IQGAP2: variants seen among roughly 807,000 people sequenced by gnomAD.
The protein encoded by IQGAP2 is IQ motif containing GTPase activating protein 2, also known as ras GTPase-activating-like protein IQGAP2.
A neutral mutation model predicts 201.3 loss-of-function variants in IQGAP2; 173 were observed. The ratio of observed to expected loss-of-function variants is 0.86; its 90% CI spans 0.76 to 0.98. The LOEUF (loss-of-function observed/expected upper bound fraction) is 0.98. Among genes scored for constraint, IQGAP2 ranks in the 50% least tolerant of loss-of-function variants. The probability of loss-of-function intolerance (pLI) is 0.00; values close to 1 mark genes in which losing one functional copy is unlikely to be tolerated. For missense variants in IQGAP2, 1,687 were observed against 1,864.8 expected (o/e 0.90, Z 1.76); for synonymous variants, 675 against 673.9 (o/e 1.00, Z -0.03).
At chr5:76,573,988 A>C (rs901825746) in intron 4 of IQGAP2, among the ~76,000 whole-genome samples, 1 of 151,984 alleles carries the variant, frequency 6.6e-6, no homozygotes, top group Non-Finnish European at 1.5e-5. Context: ...AGGCTTTTTA[A>C]ATTTCTTAGG....
At chr5:76,551,527 G>A (rs1449687638) in intron 2 of IQGAP2, among the ~76,000 whole-genome samples, 2 of 152,086 alleles carry the variant, frequency 1.3e-5, no homozygotes, top group African/African-American at 2.4e-5. Context: ...AGGTTGTAGC[G>A]AGCCGAGATC....
intron 1 of IQGAP2, among the ~76,000 whole-genome samples, chr5:76,435,149 TG>T (rs1161903007): frequency 2.0e-5 from 3 of 152,046 alleles, no homozygotes; most frequent in Non-Finnish European, 4.4e-5. Context: ...TCCCATTCTG[TG>T]GGTTATCTGT....
At chr5:76,452,059 T>A in intron 1 of IQGAP2, among the ~76,000 whole-genome samples, 1 of 151,894 alleles carries the variant, frequency 6.6e-6, no homozygotes. Context: ...ATTTAATCTC[T>A]TGTTATTTCT....
intron 2 of IQGAP2, among the ~76,000 whole-genome samples, chr5:76,511,782 A>G (rs62361961): frequency 2.5e-4 from 38 of 150,610 alleles, no homozygotes; most frequent in Middle Eastern, 3.4e-3. Context: ...CCGGGTTCAC[A>G]CCATTCTCCT....
intron 28 of IQGAP2, among the ~76,000 whole-genome samples, chr5:76,682,416 A>C (rs1446769433): frequency 6.6e-6 from 1 of 152,010 alleles, no homozygotes; most frequent in East Asian, 1.9e-4. Context: ...GTCGCTGTTC[A>C]TGTGTAAGGT....
rs144692113 is a variant in IQGAP2 at position 76,618,204 on chromosome 5, G to T, written c.1521+7021G>T. ...GTTGCCATAGAAGATGACTGTGGTGGCCCGGCACAGGACCTCTCCAAATAC... is the reference window on the plus strand; with the variant it reads ...GTTGCCATAGAAGATGACTGTGGTGTCCCGGCACAGGACCTCTCCAAATAC... On this transcript the variant is annotated intron_variant, in intron 13 of 35. Transcript: ENST00000274364. 6.8e-5 allele frequency: 109 copies of T among 1,614,180 alleles called. No individual in the cohort carries two copies. The African/African-American group carries it at 1.3e-3, about 20-fold the overall frequency.
At chr5:76,614,011 G>A (rs547694879) in intron 13 of IQGAP2, among the ~76,000 whole-genome samples, 5 of 152,128 alleles carry the variant, frequency 3.3e-5, no homozygotes, top group Non-Finnish European at 7.4e-5. Context: ...CTTACTAGAC[G>A]TAGAGTCTGC....
intron 2 of IQGAP2, among the ~76,000 whole-genome samples, chr5:76,489,306 G>T (rs868678032): frequency 5.9e-5 from 9 of 152,148 alleles, no homozygotes; most frequent in African/African-American, 2.2e-4. Flanking sequence ...CTATAGTTTT[G>T]TCTACTAGAG....
chr5:76,496,771 TTCTTTCTTTCTTTCTTTCTTTC>T lies in IQGAP2; in HGVS notation c.146+35118_146+35139del, dbSNP rs1561416696. Among the ~76,000 whole-genome samples the T allele has an allele frequency of 1.9e-3, 229 of 120,930 alleles. 4 individuals are homozygous for T. Among genetic ancestry groups the T allele is most frequent in the African/African-American group, 7.7e-3 (186 of 24,260 alleles). The allele number at this position is 120,930 out of a possible 152,430, so 79.3% of individuals were successfully genotyped here. On this transcript the variant is annotated intron_variant, in intron 2 of 35. Transcript: ENST00000274364. Reference sequence around the variant, plus strand: ...TTTCTTTCTTTCTTTCTTTCTTTCTTTCTTTCTTTCTTTCTTTCTTTCTCTTTCTTTCTTTCTCTTTCTTTCT... The same window carrying T: ...TTTCTTTCTTTCTTTCTTTCTTTCTTTCTTTCTTTCTTTCTCTTTCTTTCT...
chr5:76,507,355 C>G (rs1276194607), intron 2 of IQGAP2, among the ~76,000 whole-genome samples: 1 of 152,060 alleles, frequency 6.6e-6, no homozygotes, highest in Non-Finnish European at 1.5e-5. Context: ...ACAACCTTCA[C>G]AAAAATTAAC....
At chr5:76,471,364 C>CAAAAAAAAAAAAAAAAAA (rs59781605) in intron 2 of IQGAP2, among the ~76,000 whole-genome samples, 1 of 72,530 alleles carries the variant, frequency 1.4e-5, no homozygotes, top group Non-Finnish European at 2.8e-5. Flanking sequence ...ATAAACTAAG[C>CAAAAAAAAAAAAAAAAAA]AAAAAAAAAA....
chr5:76,508,004 C>CAAA (rs35283673), intron 2 of IQGAP2, among the ~76,000 whole-genome samples: 27 of 63,302 alleles, frequency 4.3e-4, no homozygotes, highest in African/African-American at 8.2e-4. Flanking sequence ...GACTCCTTCT[C>CAAA]AAAAAAAAAA....
intron 2 of IQGAP2, among the ~76,000 whole-genome samples, chr5:76,480,089 A>G (rs1755683199): frequency 6.6e-6 from 1 of 152,138 alleles, no homozygotes; most frequent in Non-Finnish European, 1.5e-5. Context: ...ACGCACCCAC[A>G]GAGCTGTTTG....
At chr5:76,510,149 G>A (rs1436689450) in intron 2 of IQGAP2, among the ~76,000 whole-genome samples, 10 of 151,946 alleles carry the variant, frequency 6.6e-5, no homozygotes, top group South Asian at 2.1e-4. Flanking sequence ...ACAGGCACCC[G>A]CCACCATGCC....
intron 2 of IQGAP2, among the ~76,000 whole-genome samples, chr5:76,496,021 G>A (rs1161718109): frequency 3.3e-5 from 5 of 152,182 alleles, no homozygotes; most frequent in African/African-American, 1.2e-4. Flanking sequence ...AGCACAGAGT[G>A]AAGCTCAGTG....
chr5:76,452,865 G>T (rs181124488), intron 1 of IQGAP2, among the ~76,000 whole-genome samples: 196 of 132,866 alleles, frequency 1.5e-3, no homozygotes, highest in African/African-American at 5.1e-3. Context: ...CTCTGAGTTT[G>T]TTTCCTATTC....
At chr5:76,597,691 A>G in intron 10 of IQGAP2, 89 bp downstream of exon 10, 5 of 1,358,012 alleles carry the variant, frequency 3.7e-6, no homozygotes, top group Non-Finnish European at 5.2e-6. Flanking sequence ...GGGAATAGGG[A>G]TCGGGGATCT....
rs10070688 is a variant in IQGAP2, at chr5:76,424,688, A to T, written c.46+21097A>T. ...GTTCATTGGACAAGTGAGTGGTTGG[A>T]CTCCTCTCTGCCCTCAGGGAGCTGA... On this transcript the variant is annotated intron_variant, in intron 1 of 35. Transcript: ENST00000274364. 3.9e-5 allele frequency among the ~76,000 whole-genome samples: 6 copies of T among 152,006 alleles called. No homozygotes were observed. The East Asian group carries it at 9.7e-4, about 25-fold the overall frequency.
Position 76,627,515 on chromosome 5 carries a change from C to T in IQGAP2, c.1612+15C>T. On this transcript the variant is annotated intron_variant, in intron 14 of 35. Coordinates refer to ENST00000274364, the MANE Select transcript of IQGAP2 (RefSeq NM_006633.5). ...AGCAAAACAATGTAAGCCCTCACCT[C>T]CTTTGCTCTTGAAACTTGCCTTTTT... 1.4e-6 allele frequency: 2 copies of T among 1,387,080 alleles called. No individual in the cohort carries two copies. The highest frequency in any genetic ancestry group is 2.0e-6 in the Non-Finnish European group (2 of 979,958). 85.9% of individuals were successfully genotyped at this position (1,387,080 alleles called of 1,614,324 possible).
Sources: gnomAD v4.1 joint callset for allele counts (sites outside exome capture counted in the v4.1 genomes callset) on GRCh38, gnomAD v4.1.1 for gene constraint, MANE v1.5 for transcripts, NCBI Gene and HGNC (gene_info 2026-07-23, HGNC 2026-07-21) for gene names.